SPSB4: variants seen among roughly 807,000 people sequenced by gnomAD.
The protein encoded by SPSB4 is splA/ryanodine receptor domain and SOCS box containing 4, also known as SPRY domain-containing SOCS box protein 4.
Under a neutral mutation model 20.9 loss-of-function variants are expected in SPSB4, and 21 were observed. The observed-to-expected ratio is 1.01, with a 90% confidence interval of 0.71 to 1.45. The LOEUF is 1.45. Ranked by LOEUF, SPSB4 falls within the 40% of genes most tolerant of loss-of-function variation. The pLI is 0.00. For missense variants in SPSB4, 399 were observed against 399.2 expected (o/e 1.00, Z 0.00); for synonymous variants, 207 against 183.8 (o/e 1.13, Z -1.02).
In SPSB4 at chr3:141,119,856, A is replaced by G. The variant is rs552319799; in HGVS notation, c.695-27286A>G. On this transcript the variant is annotated intron_variant, in intron 2 of 2. Transcript: ENST00000310546. ...TATGTATTTTGTTGATTTTTTCAAA[A>G]AACCAGCTCCTGGATTCATTGATTT... 1.5e-4 allele frequency among the ~76,000 whole-genome samples: 23 copies of G among 152,252 alleles called. No homozygotes were observed. In the South Asian group the frequency reaches 4.8e-3, roughly 32 times the overall value.
At chr3:141,120,318 G>A (rs1938947683) in intron 2 of SPSB4, among the ~76,000 whole-genome samples, 1 of 152,152 alleles carries the variant, frequency 6.6e-6, no homozygotes, top group Admixed American at 6.6e-5. Context: ...CATTTGCTGA[G>A]GAGTGTTTTA....
chr3:141,093,310 T>G (rs1938490241), intron 2 of SPSB4, among the ~76,000 whole-genome samples: 1 of 151,868 alleles, frequency 6.6e-6, no homozygotes, highest in Non-Finnish European at 1.5e-5. Flanking sequence ...ATGCCATACA[T>G]TGCAGTAAGC....
intron 1 of SPSB4, among the ~76,000 whole-genome samples, chr3:141,060,721 C>G (rs1037401593): frequency 1.3e-5 from 2 of 152,206 alleles, no homozygotes; most frequent in Non-Finnish European, 2.9e-5. Context: ...CGAGGCTAAA[C>G]CAGTTTATAT....
At chr3:141,062,792 TATACA>T (rs1178095487) in intron 1 of SPSB4, among the ~76,000 whole-genome samples, 1 of 152,224 alleles carries the variant, frequency 6.6e-6, no homozygotes, top group Non-Finnish European at 1.5e-5. Context: ...TGTGACCTAA[TATACA>T]GGAAAATTTT....
intron 2 of SPSB4, among the ~76,000 whole-genome samples, chr3:141,109,214 A>T (rs1421975401): frequency 2.0e-5 from 3 of 152,160 alleles, no homozygotes; most frequent in Non-Finnish European, 4.4e-5. Context: ...ACAAATACAC[A>T]AACAGCAGCA....
chr3:141,083,176 C>A (rs1938272552), intron 2 of SPSB4, among the ~76,000 whole-genome samples: 1 of 152,312 alleles, frequency 6.6e-6, no homozygotes, highest in South Asian at 2.1e-4. Flanking sequence ...CCTGTGTCCA[C>A]CACAGGTCCC....
At chr3:141,074,164 G>A (rs1335104430) in intron 2 of SPSB4, among the ~76,000 whole-genome samples, 5 of 152,134 alleles carry the variant, frequency 3.3e-5, no homozygotes, top group Non-Finnish European at 5.9e-5. Context: ...TCCAGCACTG[G>A]CTTGGCTTCA....
At chr3:141,096,692 C>T (rs1258926575) in intron 2 of SPSB4, among the ~76,000 whole-genome samples, 4 of 152,248 alleles carry the variant, frequency 2.6e-5, no homozygotes, top group Non-Finnish European at 5.9e-5. Flanking sequence ...TAGCATCCTA[C>T]ATTAAACATA....
chr3:141,147,208 T>C lies in SPSB4; in HGVS notation c.761T>C (p.Leu254Pro). 1.9e-6 allele frequency: 3 copies of C among 1,614,242 alleles called. No individual in the cohort carries two copies. Among genetic ancestry groups the C allele is most frequent in the Non-Finnish European group, 2.5e-6 (3 of 1,180,040 alleles). The change falls in exon 3 of 3, where the codon CTG becomes CCG. Residue 254 changes from leucine (L) to proline (P), a missense_variant. By Grantham distance (98) the Leu-to-Pro change is moderately conservative (BLOSUM62 -3). Transcript: ENST00000310546. ...SIRSALGRQR[L>P]QDISSLPLPQ... ...CGCTCGGCCCTGGGCCGCCAGCGCC[T>C]GCAGGACATCAGCTCCCTGCCCCTG...
intron 1 of SPSB4, among the ~76,000 whole-genome samples, chr3:141,059,595 C>G (rs1231717815): frequency 6.6e-6 from 1 of 152,138 alleles, no homozygotes; most frequent in Non-Finnish European, 1.5e-5. Flanking sequence ...CAGACTCACC[C>G]CCATGACCCA....
intron 2 of SPSB4, among the ~76,000 whole-genome samples, chr3:141,114,358 C>A (rs547158461): frequency 1.3e-5 from 2 of 152,266 alleles, no homozygotes; most frequent in South Asian, 2.1e-4. Flanking sequence ...TGACCTGGCA[C>A]GTGACAAATC....
At chr3:141,074,510 G>A (rs141092920) in intron 2 of SPSB4, among the ~76,000 whole-genome samples, 15 of 152,316 alleles carry the variant, frequency 9.8e-5, no homozygotes, top group African/African-American at 2.9e-4. Context: ...TCTTGGACTC[G>A]TTTCTCTCTA....
At chr3:141,069,737 C>T (rs1055927748) in intron 2 of SPSB4, among the ~76,000 whole-genome samples, 9 of 152,096 alleles carry the variant, frequency 5.9e-5, no homozygotes, top group Admixed American at 2.0e-4. Flanking sequence ...TAAAGCTCAC[C>T]GGCACAGAGC....
intron 2 of SPSB4, among the ~76,000 whole-genome samples, chr3:141,084,914 G>A (rs919324336): frequency 9.9e-5 from 15 of 152,206 alleles, no homozygotes; most frequent in Non-Finnish European, 1.9e-4. Flanking sequence ...CAGTAAGTCC[G>A]AAAGACAGCT....
chr3:141,125,210 T>G (rs1423230921), intron 2 of SPSB4, among the ~76,000 whole-genome samples: 6 of 152,210 alleles, frequency 3.9e-5, no homozygotes, highest in Non-Finnish European at 8.8e-5. Context: ...GAAGAACTGA[T>G]TCCTCTAACT....
chr3:141,059,838 G>A (rs1036226639), intron 1 of SPSB4, among the ~76,000 whole-genome samples: 5 of 152,216 alleles, frequency 3.3e-5, no homozygotes, highest in Non-Finnish European at 5.9e-5. Flanking sequence ...AGACTTTACA[G>A]GTGTCTGCTC....
At chr3:141,124,577 A>G (rs1212350855) in intron 2 of SPSB4, among the ~76,000 whole-genome samples, 2 of 152,194 alleles carry the variant, frequency 1.3e-5, no homozygotes, top group African/African-American at 2.4e-5. Context: ...GGCTGCGTTC[A>G]TAATGGAGTC....
At chr3:141,142,302 A>G (rs1939343282) in intron 2 of SPSB4, among the ~76,000 whole-genome samples, 1 of 152,232 alleles carries the variant, frequency 6.6e-6, no homozygotes, top group South Asian at 2.1e-4. Flanking sequence ...TGTTGACCCA[A>G]AGATCATTCA....
rs1188646476 is a variant in SPSB4, at chr3:141,066,540, C to T, written c.436C>T (p.Arg146Cys). Residue 146 changes from arginine (R) to cysteine (C), a missense_variant, in exon 2 of 3, where the codon CGC becomes TGC. Transcript: ENST00000310546. ...CGAGTCGTGGGGCTGGGACCTGGGC[C>T]GCAGCCGCCTCTACCACGACGGCAA... ...DAESWGWDLG[R>C]SRLYHDGKNQ... 11 of 1,515,446 alleles carry T rather than the reference C, an allele frequency of 7.3e-6. No individual in the cohort carries two copies. Among genetic ancestry groups the T allele is most frequent in the Admixed American group, 4.2e-5 (2 of 47,500 alleles). The allele number at this position is 1,515,446 out of a possible 1,614,324, so 93.9% of individuals were successfully genotyped here.
Sources: allele counts gnomAD v4.1 joint callset (sites outside exome capture counted in the v4.1 genomes callset), GRCh38; gene constraint gnomAD v4.1.1; transcripts MANE v1.5; gene names NCBI Gene and HGNC (gene_info 2026-07-23, HGNC 2026-07-21).